Variants in IL17RD observed in about 807,000 individuals in gnomAD.
IL17RD encodes interleukin 17 receptor D.
IL17RD carries 52 observed loss-of-function variants against 80.5 expected under a neutral mutation model. That is an observed-to-expected ratio of 0.65 (90% CI 0.52 to 0.81). The LOEUF is 0.81. IL17RD is among the 40% of genes least tolerant of loss of function. IL17RD has a pLI of 0.00. For synonymous variants in IL17RD, 416 were observed against 391.8 expected, an observed-to-expected ratio of 1.06 and a Z score of -0.73; for missense variants, 1,024 against 955.1, an observed-to-expected ratio of 1.07 and a Z score of -0.95.
At chr3:57,143,666 G>A (rs1367774141) in intron 1 of IL17RD, among the ~76,000 whole-genome samples, 1 of 152,224 alleles carries the variant, frequency 6.6e-6, no homozygotes, top group Non-Finnish European at 1.5e-5. Context: ...GTGTGTGAGA[G>A]GAATATCTGT....
At chr3:57,103,772 T>G (rs2107472617) in intron 8 of IL17RD, among the ~76,000 whole-genome samples, 1 of 152,278 alleles carries the variant, frequency 6.6e-6, no homozygotes, top group East Asian at 1.9e-4. Flanking sequence ...TGGCGCAATT[T>G]CAGCTCACTG....
intron 1 of IL17RD, among the ~76,000 whole-genome samples, chr3:57,164,620 G>C (rs2060332371): frequency 6.6e-6 from 1 of 152,180 alleles, no homozygotes; most frequent in African/African-American, 2.4e-5. Context: ...GGTAGGAGTG[G>C]GGTGACGGCC....
At chr3:57,165,870 C>T (rs73075282), upstream of IL17RD, among the ~76,000 whole-genome samples, 42,160 of 151,870 alleles carry the variant, frequency 0.28, 7,115 homozygotes, top group Non-Finnish European at 0.4. Flanking sequence ...CACCACAACC[C>T]CCCGTCCCCC....
chr3:57,154,434 T>C (rs1265119786), intron 1 of IL17RD, among the ~76,000 whole-genome samples: 2 of 151,978 alleles, frequency 1.3e-5, no homozygotes, highest in African/African-American at 2.4e-5. Flanking sequence ...CCCCATTATC[T>C]ACCCCCATCC....
chr3:57,163,433 C>A (rs1474708863), intron 1 of IL17RD, among the ~76,000 whole-genome samples: 5 of 152,114 alleles, frequency 3.3e-5, no homozygotes, highest in Non-Finnish European at 1.5e-5. Flanking sequence ...TCCGTCAGGG[C>A]ACTACCATAC....
chr3:57,156,128 C>T (rs1018830010), intron 1 of IL17RD, among the ~76,000 whole-genome samples: 5 of 152,042 alleles, frequency 3.3e-5, no homozygotes, highest in Admixed American at 6.5e-5. Context: ...GACACTGCAA[C>T]GGGGAAGAAG....
intron 1 of IL17RD, among the ~76,000 whole-genome samples, chr3:57,152,478 A>G (rs2060233746): frequency 6.6e-6 from 1 of 152,206 alleles, no homozygotes; most frequent in Admixed American, 6.5e-5. Flanking sequence ...CCAGTCCTGA[A>G]AGCTGAACAA....
At chr3:57,130,741 G>A (rs555571900) in intron 1 of IL17RD, among the ~76,000 whole-genome samples, 1 of 152,184 alleles carries the variant, frequency 6.6e-6, no homozygotes, top group South Asian at 2.1e-4. Flanking sequence ...TAGTCTCTTA[G>A]ATAGCAAGTC....
rs1707577826 is a variant in IL17RD, at chr3:57,130,295, C to A, written c.127-9982G>T. On this transcript the variant is annotated intron_variant, in intron 1 of 12. Transcript: ENST00000296318. ...TTAGACACAAAAAATCCCAAGACCC[C>A]ACTCAGAAATCAAAGGGTGCATCTT... 1.3e-5 allele frequency among the ~76,000 whole-genome samples: 2 copies of A among 152,200 alleles called. 1 individual carries two copies. Among genetic ancestry groups the A allele is most frequent in the South Asian group, 4.1e-4 (2 of 4,834 alleles).
chr3:57,152,434 G>A (rs943730680), intron 1 of IL17RD, among the ~76,000 whole-genome samples: 3 of 152,182 alleles, frequency 2.0e-5, no homozygotes, highest in Non-Finnish European at 2.9e-5. Context: ...ATTACATCTC[G>A]GCATGACATT....
intron 1 of IL17RD, among the ~76,000 whole-genome samples, chr3:57,135,866 A>G (rs1203304747): frequency 1.4e-5 from 2 of 147,624 alleles, no homozygotes; most frequent in Admixed American, 6.9e-5. Flanking sequence ...CCGGCTGTGT[A>G]CATGGAAAAG....
Position 57,094,975 on chromosome 3 carries a change from G to A in IL17RD, c.*1418C>T, listed in dbSNP as rs929779382. ...CACAAACCTTTTCTTTCCAGCAGGG[G>A]TGCAAGCCCCCCTTTCCCCACCTGC... On this transcript the variant is annotated 3_prime_UTR_variant, in exon 13 of 13. Transcript: ENST00000296318. The A allele has an allele frequency of 2.0e-5, 3 of 152,608 alleles. No individual in the cohort carries two copies. The highest frequency in any genetic ancestry group is 7.2e-5 in the African/African-American group (3 of 41,440). 9.5% of individuals were successfully genotyped at this position (152,608 alleles called of 1,614,324 possible).
rs1318784086 is a variant in IL17RD at position 57,096,457 on chromosome 3, G to A, written c.2156C>T (p.Ser719Leu). The A allele has an allele frequency of 7.4e-6, 12 of 1,613,852 alleles. No homozygotes were observed. The African/African-American group carries it at 1.6e-4, about 22-fold the overall frequency. Residue 719 changes from serine (S) to leucine (L), a missense_variant, in exon 13 of 13, where the codon TCA (serine) becomes TTA (leucine). By Grantham distance (145) the Ser-to-Leu change is moderately radical. Coordinates refer to ENST00000296318, the MANE Select transcript of IL17RD (RefSeq NM_017563.5). ...GCGGCAACCAAGATCTGCTTTGCAT[G>A]ACCCAGAAGAGAGGAGCTTGGAAGG... The part of the protein sequence containing the change: ...ALPSKLLSSG[S>L]CKADLGCRSY...
intron 1 of IL17RD, among the ~76,000 whole-genome samples, chr3:57,149,206 G>T (rs1291600829): frequency 6.6e-6 from 1 of 150,838 alleles, no homozygotes; most frequent in Admixed American, 6.6e-5. Context: ...TGAGGCAGGA[G>T]AATCGCTTGA....
intron 1 of IL17RD, among the ~76,000 whole-genome samples, chr3:57,128,626 T>A (rs1707544254): frequency 6.6e-6 from 1 of 152,154 alleles, no homozygotes; most frequent in Non-Finnish European, 1.5e-5. Flanking sequence ...AGGACATTGG[T>A]GTGAGTTGTT....
upstream of IL17RD, among the ~76,000 whole-genome samples, chr3:57,165,555 A>G (rs920793948): frequency 6.5e-5 from 9 of 139,422 alleles, no homozygotes; most frequent in African/African-American, 2.4e-4. Context: ...TGGCAGCCGC[A>G]GTTTCTTCCC....
intron 1 of IL17RD, among the ~76,000 whole-genome samples, chr3:57,150,691 G>A (rs756495421): frequency 9.9e-5 from 15 of 152,112 alleles, no homozygotes; most frequent in South Asian, 4.1e-4. Flanking sequence ...GTGAGAGATC[G>A]GGACTCAAAT....
chr3:57,098,584 G>A (rs376765061), intron 11 of IL17RD, 46 bp from the exon 12 acceptor site: 4 of 1,322,826 alleles, frequency 3.0e-6, no homozygotes, highest in Non-Finnish European at 4.2e-6. Context: ...GGCTCGGGAA[G>A]AGGCTCGGGA....
At chr3:57,160,293 C>A (rs1449650723) in intron 1 of IL17RD, among the ~76,000 whole-genome samples, 1 of 151,252 alleles carries the variant, frequency 6.6e-6, no homozygotes, top group Non-Finnish European at 1.5e-5. Context: ...GAAGAAAAAG[C>A]CTTGAAAGCT....
Sources: allele counts gnomAD v4.1 joint callset (sites outside exome capture counted in the v4.1 genomes callset), GRCh38; gene constraint gnomAD v4.1.1; transcripts MANE v1.5; gene names NCBI Gene and HGNC (gene_info 2026-07-23, HGNC 2026-07-21).